PRKCG: variants seen among roughly 807,000 people sequenced by gnomAD.
PRKCG encodes protein kinase C gamma.
PRKCG carries 28 observed loss-of-function variants against 82.0 expected under a neutral mutation model. The ratio of observed to expected loss-of-function variants is 0.34; its 90% CI spans 0.25 to 0.47. PRKCG has a LOEUF of 0.47. Ranked by LOEUF, PRKCG falls within the 20% of genes least tolerant of loss-of-function variation. The pLI is 1.00. For missense variants in PRKCG, 640 were observed against 952.7 expected, an observed-to-expected ratio of 0.67 and a Z score of 4.32; for synonymous variants, 383 against 376.6, an observed-to-expected ratio of 1.02 and a Z score of -0.20.
rs949064691 is a variant in PRKCG at position 53,898,484 on chromosome 19, C to A, written c.1137C>A (p.Ile379=). ...GGGGCTCTGATGAGCTCTACGCCATCAAGATCTTGAAAAAGGACGTGATCG... is the reference window on the plus strand; with the variant it reads ...GGGGCTCTGATGAGCTCTACGCCATAAAGATCTTGAAAAAGGACGTGATCG... ...ERRGSDELYA[I]KILKKDVIVQ... is the part of the protein sequence containing the mutation. The change falls in exon 11 of 18, where the codon ATC becomes ATA. Residue 379 remains isoleucine (I), a synonymous_variant. Transcript: ENST00000263431. The A allele has an allele frequency of 6.8e-6, 11 of 1,613,914 alleles. No individual in the cohort carries two copies. Among genetic ancestry groups the A allele is most frequent in the Non-Finnish European group, 9.3e-6 (11 of 1,180,012 alleles).
chr19:53,887,829 C>CAAA (rs60094916), intron 3 of PRKCG, among the ~76,000 whole-genome samples: 1 of 57,624 alleles, frequency 1.7e-5, no homozygotes, highest in Admixed American at 1.9e-4. Flanking sequence ...GACTCCATCT[C>CAAA]AAAAAAAAAA....
intron 3 of PRKCG, among the ~76,000 whole-genome samples, chr19:53,887,363 G>A (rs1183136527): frequency 5.3e-5 from 8 of 151,870 alleles, no homozygotes. Flanking sequence ...TGGGCGTGGT[G>A]GCACACGCCT....
chr19:53,898,394 A>C (rs1199955768), intron 10 of PRKCG, 46 bp from the exon 11 acceptor site: 4 of 1,610,930 alleles, frequency 2.5e-6, no homozygotes, highest in Non-Finnish European at 2.5e-6. Context: ...GTCCTGTACC[A>C]CTGGGTTCCC....
chr19:53,892,363 G>T lies in PRKCG; in HGVS notation c.687-146G>T. Reference sequence around the variant, plus strand: ...AAGCCCTAGCTGGAGAGAGAGCCCGGCTGGGAAGGTCAGAGGTCGGAGACC... The same window carrying T: ...AAGCCCTAGCTGGAGAGAGAGCCCGTCTGGGAAGGTCAGAGGTCGGAGACC... On this transcript the variant is annotated intron_variant, in intron 6 of 17. Transcript: ENST00000263431. This position sits in a 1 kb window ranked among gnomAD's most constrained non-coding sequence, Gnocchi z 5.9. The T allele has an allele frequency of 1.6e-6, 2 of 1,262,478 alleles. No homozygotes were observed. Among genetic ancestry groups the T allele is most frequent in the Non-Finnish European group, 2.2e-6 (2 of 915,730 alleles). 78.2% of individuals were successfully genotyped at this position (1,262,478 alleles called of 1,614,324 possible).
In PRKCG at chr19:53,904,718, G is replaced by A; in HGVS notation, c.1740G>A (p.Arg580=). Residue 580 remains arginine (R), a synonymous_variant, in exon 16 of 18, where the codon CGG becomes CGA. Coordinates refer to ENST00000263431, the MANE Select transcript of PRKCG (RefSeq NM_002739.5). ...QTVTYPKSLS[R]EAVAICKGFL... is the part of the protein sequence containing the mutation. Reference sequence around the variant, plus strand: ...TCACCTACCCCAAGTCGCTTTCCCGGGAAGCCGTGGCCATCTGCAAGGGGG... The same window carrying A: ...TCACCTACCCCAAGTCGCTTTCCCGAGAAGCCGTGGCCATCTGCAAGGGGG... 6.2e-7 allele frequency: 1 copy of A among 1,613,796 alleles called. No individual in the cohort carries two copies. Among genetic ancestry groups the A allele is most frequent in the Non-Finnish European group, 8.5e-7 (1 of 1,179,922 alleles).
At chr19:53,888,010 G>A (rs1445783031) in intron 3 of PRKCG, among the ~76,000 whole-genome samples, 1 of 152,158 alleles carries the variant, frequency 6.6e-6, no homozygotes, top group Non-Finnish European at 1.5e-5. Context: ...GAACTCTGAT[G>A]TATGTAACCA....
At chr19:53,885,433 T>C (rs2068624458) in intron 3 of PRKCG, among the ~76,000 whole-genome samples, 1 of 152,100 alleles carries the variant, frequency 6.6e-6, no homozygotes, top group African/African-American at 2.4e-5. Flanking sequence ...GGTTTCACCA[T>C]GTTGGCCAGG....
chr19:53,907,060 C>T lies in PRKCG; in HGVS notation c.*165C>T. ...AGACGCCCCTCCCAAGCGTTCCTGG[C>T]CTTCTGAACTCCATACAGCCTCTAC... On this transcript the variant is annotated 3_prime_UTR_variant, in exon 18 of 18. Transcript: ENST00000263431. 4 of 1,466,830 alleles carry T rather than the reference C, an allele frequency of 2.7e-6. No individual in the cohort carries two copies. Among genetic ancestry groups the T allele is most frequent in the Non-Finnish European group, 2.7e-6 (3 of 1,091,734 alleles). 90.9% of individuals were successfully genotyped at this position (1,466,830 alleles called of 1,614,324 possible).
chr19:53,883,535 A>G lies in PRKCG; in HGVS notation c.202+341A>G, dbSNP rs1307726451. On this transcript the variant is annotated intron_variant, in intron 2 of 17. Coordinates refer to ENST00000263431, the MANE Select transcript of PRKCG (RefSeq NM_002739.5). This position sits in a 1 kb window ranked among gnomAD's most constrained non-coding sequence, Gnocchi z 5.4. ...CAAAGTCAGAGCCCCCCCCCACCCC[A>G]GGCTGCCGTCGCCATGACAACACCA... is the stretch of plus-strand genomic sequence containing the variant. Among the ~76,000 whole-genome samples the G allele has an allele frequency of 6.6e-6, 1 of 150,402 alleles. No individual in the cohort carries two copies. Among genetic ancestry groups the G allele is most frequent in the East Asian group, 2.0e-4 (1 of 5,038 alleles).
rs767445787 is a variant in PRKCG at position 53,906,489 on chromosome 19, T to TC, written c.1905+35dup. The TC allele has an allele frequency of 1.9e-6, 3 of 1,569,478 alleles. No individual in the cohort carries two copies. In the African/African-American group the frequency reaches 4.1e-5, roughly 21 times the overall value. ...CACCCTCCAGGCAACAAAAACCTGG[T>TC]CCCTGAAGGGGTGGGGTTCCCCTGG... On this transcript the variant is annotated intron_variant, in intron 17 of 17. Coordinates refer to ENST00000263431, the MANE Select transcript of PRKCG (RefSeq NM_002739.5).
In PRKCG at chr19:53,882,964, A is replaced by T. The variant is rs531695470; in HGVS notation, c.171-199A>T. 6.6e-6 allele frequency among the ~76,000 whole-genome samples: 1 copy of T among 151,724 alleles called. No homozygotes were observed. The highest frequency in any genetic ancestry group is 2.1e-4 in the South Asian group (1 of 4,792). The stretch of plus-strand genomic sequence containing the variant: ...ATTCCTGGGTCTGAAGGAGGAAGAA[A>T]CTGGGGGCTGAACTCCAGTCTAAGG... On this transcript the variant is annotated intron_variant, in intron 1 of 17. Coordinates refer to ENST00000263431, the MANE Select transcript of PRKCG (RefSeq NM_002739.5). This position sits in a 1 kb window ranked among gnomAD's most constrained non-coding sequence, Gnocchi z 6.1.
chr19:53,893,856 C>A (rs2068698176), intron 9 of PRKCG, among the ~76,000 whole-genome samples: 1 of 151,918 alleles, frequency 6.6e-6, no homozygotes, highest in African/African-American at 2.4e-5. Context: ...CGGGTTCAAG[C>A]AATTCTCTTG....
In PRKCG at chr19:53,891,712, G is replaced by A. The variant is rs2068677889; in HGVS notation, c.568G>A (p.Gly190Ser). ...TAACCTAATTCCTATGGACCCCAAT[G>A]GTCTCTCTGATCCCTATGTGAAACT... ...ARNLIPMDPNGLSDPYVKLKL... is the reference protein window; with the variant it reads ...ARNLIPMDPNSLSDPYVKLKL... The change falls in exon 6 of 18, where the codon GGT (glycine) becomes AGT (serine). Residue 190 changes from glycine (G) to serine (S), a missense_variant. Around this residue, in one of 7 missense-constraint regions of PRKCG, gnomAD observed 261 missense variants for 312.1 expected, o/e 0.84. Transcript: ENST00000263431. The A allele has an allele frequency of 1.9e-6, 3 of 1,613,862 alleles. No homozygotes were observed. The highest frequency in any genetic ancestry group is 1.7e-5 in the Admixed American group (1 of 59,972).
Position 53,906,760 on chromosome 19 carries a change from G to A in PRKCG, c.1959G>A (p.Ala653=), listed in dbSNP as rs766461264. 5 of 1,613,334 alleles carry A rather than the reference G, an allele frequency of 3.1e-6. No individual in the cohort carries two copies. The South Asian group carries it at 3.3e-5, about 11-fold the overall frequency. The change falls in exon 18 of 18, where the codon GCG becomes GCA. Residue 653 remains alanine, a synonymous_variant. Transcript: ENST00000263431. ...AGTTCTTCACGCGGGCGGCGCCAGC[G>A]CTGACCCCTCCAGACCGCCTAGTCC... ...FDKFFTRAAP[A]LTPPDRLVLA... is the part of the protein sequence containing the mutation.
At chr19:53,891,230 T>C (rs2068672987) in intron 5 of PRKCG, among the ~76,000 whole-genome samples, 1 of 151,782 alleles carries the variant, frequency 6.6e-6, no homozygotes, top group East Asian at 1.9e-4. Flanking sequence ...TCTTCTGGGT[T>C]CTGGAGAGGT....
In PRKCG at chr19:53,889,996, G is replaced by A. The variant is rs994753416; in HGVS notation, c.508G>A (p.Ala170Thr). The A allele has an allele frequency of 4.0e-5, 62 of 1,567,768 alleles. No homozygotes were observed. Among genetic ancestry groups the A allele is most frequent in the Non-Finnish European group, 4.9e-5 (57 of 1,158,732 alleles). Residue 170 changes from alanine (A) to threonine (T), a missense_variant, in exon 5 of 18, where the codon GCA (alanine) becomes ACA (threonine). Physicochemically the swap from Ala to Thr is moderately conservative, Grantham distance 58 (BLOSUM62 0). Around this residue, in one of 7 missense-constraint regions of PRKCG, gnomAD observed 261 missense variants for 312.1 expected, o/e 0.84. Transcript: ENST00000263431. The surrounding 1 kb of genome is among the most constrained non-coding windows in gnomAD (Gnocchi z 4.4). ...RLQLEIRAPTADEIHVTVGEA... is the reference protein window; with the variant it reads ...RLQLEIRAPTTDEIHVTVGEA... ...GCAGCTGGAGATCCGGGCTCCCACAGCAGATGAGATCCACGTAACTGGTGA... is the reference window on the plus strand; with the variant it reads ...GCAGCTGGAGATCCGGGCTCCCACAACAGATGAGATCCACGTAACTGGTGA...
Position 53,906,925 on chromosome 19 carries a change from C to T in PRKCG, c.*30C>T. 2 of 1,612,962 alleles carry T rather than the reference C, an allele frequency of 1.2e-6. No homozygotes were observed. The highest frequency in any genetic ancestry group is 1.7e-6 in the Non-Finnish European group (2 of 1,179,698). On this transcript the variant is annotated 3_prime_UTR_variant, in exon 18 of 18. Coordinates refer to ENST00000263431, the MANE Select transcript of PRKCG (RefSeq NM_002739.5). The stretch of plus-strand genomic sequence containing the variant: ...ACCCGCCGCCACTAGGTGTCCCCAA[C>T]GTCCCCTCCGCCGTGCCGGCGGCAG...
At chr19:53,905,901 T>A (rs1184873822) in intron 16 of PRKCG, among the ~76,000 whole-genome samples, 1 of 142,034 alleles carries the variant, frequency 7.0e-6, no homozygotes, top group Non-Finnish European at 1.5e-5. Flanking sequence ...TCATGTATCC[T>A]CTCCTTCTTC....
Position 53,891,837 on chromosome 19 carries a change from C to G in PRKCG, c.686+7C>G. 2 of 1,613,916 alleles carry G rather than the reference C, an allele frequency of 1.2e-6. No homozygotes were observed. The highest frequency in any genetic ancestry group is 1.7e-6 in the Non-Finnish European group (2 of 1,179,932). ...GGAATGAGACCTTTGTGTTGTGAGT[C>G]TGGGGTGCAGGGAAGGCAATGACAG... On this transcript the variant is annotated splice_region_variant and intron_variant, in intron 6 of 17. Coordinates refer to ENST00000263431, the MANE Select transcript of PRKCG (RefSeq NM_002739.5).
Sources: allele counts gnomAD v4.1 joint callset (sites outside exome capture counted in the v4.1 genomes callset), GRCh38; gene constraint gnomAD v4.1.1; regional missense constraint gnomAD v4.1.1; non-coding constraint Gnocchi (gnomAD v3.1); transcripts MANE v1.5; gene names NCBI Gene and HGNC (gene_info 2026-07-23, HGNC 2026-07-21).